VAV1: variants seen among roughly 807,000 people sequenced by gnomAD.
VAV1 encodes the protein vav guanine nucleotide exchange factor 1.
A neutral mutation model predicts 128.1 loss-of-function variants in VAV1; 33 were observed. The observed-to-expected ratio is 0.26, with a 90% CI of 0.20 to 0.34. VAV1 has a LOEUF of 0.34. Among genes scored for constraint, VAV1 ranks in the 10% least tolerant of loss-of-function variants. VAV1 has a pLI of 1.00. For synonymous variants in VAV1, 394 were observed against 409.8 expected (o/e 0.96, Z 0.47); for missense variants, 715 against 1,093.7 (o/e 0.65, Z 4.88).
intron 22 of VAV1, among the ~76,000 whole-genome samples, chr19:6,847,312 C>T (rs1384084976): frequency 2.0e-5 from 3 of 152,096 alleles, no homozygotes; most frequent in Non-Finnish European, 2.9e-5. Context: ...CGGGCAGTTG[C>T]TCCTGCCTCC....
chr19:6,829,934 C>G lies in VAV1; in HGVS notation c.1398+16C>G. On this transcript the variant is annotated intron_variant, in intron 14 of 26. Coordinates refer to ENST00000602142, the MANE Select transcript of VAV1 (RefSeq NM_005428.4). The stretch of plus-strand genomic sequence containing the variant: ...CAACAAGAAGGTGGGGCTTTGACGC[C>G]GGAACTATGGGGTCCTCCACGCAGT... The G allele has an allele frequency of 6.2e-7, 1 of 1,613,982 alleles. No individual in the cohort carries two copies. Among genetic ancestry groups the G allele is most frequent in the Non-Finnish European group, 8.5e-7 (1 of 1,180,004 alleles).
chr19:6,774,274 C>T (rs148710574), intron 1 of VAV1, among the ~76,000 whole-genome samples: 3,243 of 151,764 alleles, frequency 0.021, 136 homozygotes, highest in African/African-American at 0.076. Flanking sequence ...ACTACAGGCG[C>T]CCGCCACCAC....
At chr19:6,849,963 A>G (rs1404010753) in intron 23 of VAV1, among the ~76,000 whole-genome samples, 1 of 152,118 alleles carries the variant, frequency 6.6e-6, no homozygotes, top group Non-Finnish European at 1.5e-5. Flanking sequence ...GTCATAGGGT[A>G]GCTGCATCAA....
intron 24 of VAV1, among the ~76,000 whole-genome samples, chr19:6,851,817 G>A (rs375450474): frequency 5.9e-5 from 9 of 152,236 alleles, no homozygotes; most frequent in East Asian, 5.8e-4. Flanking sequence ...GCATGCATCT[G>A]TATTTTTTGT....
intron 1 of VAV1, among the ~76,000 whole-genome samples, chr19:6,818,888 G>A (rs893141490): frequency 6.6e-6 from 1 of 152,110 alleles, no homozygotes; most frequent in African/African-American, 2.4e-5. Context: ...GGCCGAGGCG[G>A]GTGGATCACC....
At chr19:6,788,968 C>T (rs472835) in intron 1 of VAV1, among the ~76,000 whole-genome samples, 33,903 of 152,176 alleles carry the variant, frequency 0.22, 4,026 homozygotes, top group African/African-American at 0.3. Flanking sequence ...GGATCATTTT[C>T]TGTCCTGGGA....
At chr19:6,776,436 CCAT>C in intron 1 of VAV1, among the ~76,000 whole-genome samples, 1 of 62,766 alleles carries the variant, frequency 1.6e-5, no homozygotes, top group Non-Finnish European at 3.5e-5. Flanking sequence ...ATCCATCCAT[CCAT>C]CCATCCACCC....
Position 6,814,705 on chromosome 19 carries a change from T to TTTCTTTCTTTCTTTCTTTCC in VAV1, c.205-5978_205-5977insCTTCTTTCTTTCTTTCTTTC, listed in dbSNP as rs1971601143. Reference sequence around the variant, plus strand: ...CTTTCTTTCTTTCTTTCTTTCTTTCTTTCTTTCTTTCTTTCTTTCTTTCTT... The same window carrying TTTCTTTCTTTCTTTCTTTCC: ...CTTTCTTTCTTTCTTTCTTTCTTTCTTTCTTTCTTTCTTTCTTTCCTTCTTTCTTTCTTTCTTTCTTTCTT... On this transcript the variant is annotated intron_variant, in intron 1 of 26. Coordinates refer to ENST00000602142, the MANE Select transcript of VAV1 (RefSeq NM_005428.4). Among the ~76,000 whole-genome samples, 2 of 134,270 alleles carry TTTCTTTCTTTCTTTCTTTCC rather than the reference T, an allele frequency of 1.5e-5. 1 individual carries two copies. The highest frequency in any genetic ancestry group is 1.5e-4 in the Admixed American group (2 of 13,048). The allele number at this position is 134,270 out of a possible 152,430, so 88.1% of individuals were successfully genotyped here.
At chr19:6,832,561 C>CCT (rs1972093736) in intron 15 of VAV1, among the ~76,000 whole-genome samples, 10 of 107,546 alleles carry the variant, frequency 9.3e-5, no homozygotes, top group Non-Finnish European at 1.4e-4. Context: ...CTCCTCCTCT[C>CCT]CTTCCTCCCC....
chr19:6,852,347 G>A (rs545773979), intron 24 of VAV1, among the ~76,000 whole-genome samples: 1 of 152,194 alleles, frequency 6.6e-6, no homozygotes, highest in African/African-American at 2.4e-5. Flanking sequence ...ATTAAGGCAT[G>A]TGGCCCCATA....
intron 1 of VAV1, among the ~76,000 whole-genome samples, chr19:6,799,689 C>G (rs902572319): frequency 6.6e-6 from 1 of 151,572 alleles, no homozygotes; most frequent in Admixed American, 6.6e-5. Flanking sequence ...TATCATGAAT[C>G]AAGTTGCTAG....
chr19:6,782,985 G>A (rs1034489727), intron 1 of VAV1, among the ~76,000 whole-genome samples: 19 of 151,862 alleles, frequency 1.3e-4, no homozygotes, highest in African/African-American at 4.6e-4. Flanking sequence ...TTTGAAACCA[G>A]CCTGACCAAT....
At position 6,855,982 on chromosome 19, in the gene VAV1, G is replaced by C. The variant is rs139934636; in HGVS notation, c.2485-1072G>C. ...AACTGTTCTAGGCTCTTGGGATTCA[G>C]TGACAAATAATACAGACAAAAATCC... On this transcript the variant is annotated intron_variant, in intron 26 of 26. Transcript: ENST00000602142. 2.1e-3 allele frequency among the ~76,000 whole-genome samples: 322 copies of C among 152,296 alleles called. 1 individual carries two copies. Among genetic ancestry groups the C allele is most frequent in the South Asian group, 6.4e-3 (31 of 4,824 alleles).
chr19:6,838,878 G>A (rs1019187816), intron 21 of VAV1, among the ~76,000 whole-genome samples: 1 of 143,542 alleles, frequency 7.0e-6, no homozygotes, highest in African/African-American at 3.0e-5. Context: ...ACAGATGCAA[G>A]CCATTATGCT....
intron 21 of VAV1, among the ~76,000 whole-genome samples, chr19:6,838,303 CT>C (rs1568313011): frequency 6.7e-5 from 9 of 134,338 alleles, no homozygotes; most frequent in Non-Finnish European, 1.5e-4. Flanking sequence ...TATTATCTAT[CT>C]ATCTATCTAT....
At chr19:6,840,307 T>C (rs1289045186) in intron 21 of VAV1, among the ~76,000 whole-genome samples, 2 of 146,316 alleles carry the variant, frequency 1.4e-5, no homozygotes, top group Non-Finnish European at 3.0e-5. Context: ...TTCTTTCTTT[T>C]TTTTTTTTTT....
chr19:6,852,134 C>T (rs538441902), intron 24 of VAV1, among the ~76,000 whole-genome samples: 1 of 152,296 alleles, frequency 6.6e-6, no homozygotes, highest in Non-Finnish European at 1.5e-5. Context: ...CCTCCTCAGC[C>T]TCCTGAATAG....
At chr19:6,809,945 C>T (rs1971479873) in intron 1 of VAV1, among the ~76,000 whole-genome samples, 1 of 151,910 alleles carries the variant, frequency 6.6e-6, no homozygotes, top group Non-Finnish European at 1.5e-5. Context: ...CCAAGACAAG[C>T]TAATTGTTTG....
At chr19:6,775,586 G>T (rs1970603398) in intron 1 of VAV1, among the ~76,000 whole-genome samples, 1 of 152,210 alleles carries the variant, frequency 6.6e-6, no homozygotes, top group Non-Finnish European at 1.5e-5. Context: ...TCAGGCTCCA[G>T]GCTGGGCATC....
Sources: allele counts gnomAD v4.1 joint callset (sites outside exome capture counted in the v4.1 genomes callset), GRCh38; gene constraint gnomAD v4.1.1; transcripts MANE v1.5; gene names NCBI Gene and HGNC (gene_info 2026-07-23, HGNC 2026-07-21).